TBC1D15: variants seen among roughly 807,000 people sequenced by gnomAD.
The protein encoded by TBC1D15 is TBC1 domain family member 15.
In TBC1D15, 39 loss-of-function variants were observed where a neutral mutation model predicts 95.4. The ratio of observed to expected loss-of-function variants is 0.41; its 90% confidence interval spans 0.32 to 0.53. The LOEUF is 0.53. Among genes scored for constraint, TBC1D15 ranks in the 20% least tolerant of loss-of-function variants. The pLI, the probability that TBC1D15 is intolerant of heterozygous loss-of-function variation, is 0.29. For synonymous variants in TBC1D15, 258 were observed against 261.3 expected, an observed-to-expected ratio of 0.99 and a Z score of 0.12; for missense variants, 733 against 794.3, an observed-to-expected ratio of 0.92 and a Z score of 0.93.
chr12:71,897,584 T>A (rs928507923), intron 9 of TBC1D15, among the ~76,000 whole-genome samples: 1 of 152,070 alleles, frequency 6.6e-6, no homozygotes, highest in African/African-American at 2.4e-5. Context: ...ATGAGATAAA[T>A]GTTTTTGTAA....
chr12:71,861,329 G>T, intron 1 of TBC1D15: 1 of 619,950 alleles, frequency 1.6e-6, no homozygotes, highest in Non-Finnish European at 2.5e-6. Context: ...TGAAGCCATT[G>T]GGTTTTGGGC....
intron 12 of TBC1D15, among the ~76,000 whole-genome samples, chr12:71,915,519 A>G (rs1903496342): frequency 6.6e-6 from 1 of 151,980 alleles, no homozygotes; most frequent in Non-Finnish European, 1.5e-5. Context: ...TTTTCAATAA[A>G]ACTAATCCAA....
intron 1 of TBC1D15, among the ~76,000 whole-genome samples, chr12:71,863,968 G>A (rs1890927493): frequency 1.3e-5 from 2 of 151,154 alleles, no homozygotes; most frequent in East Asian, 3.9e-4. Context: ...GTATTTCATT[G>A]TGTTTCCTCA....
At chr12:71,862,073 T>A (rs1890503330) in intron 1 of TBC1D15, among the ~76,000 whole-genome samples, 1 of 152,206 alleles carries the variant, frequency 6.6e-6, no homozygotes, top group Admixed American at 6.5e-5. Context: ...TAAACTTGTT[T>A]AGATTTGTTT....
intron 3 of TBC1D15, among the ~76,000 whole-genome samples, chr12:71,875,834 G>A (rs1893688250): frequency 6.6e-6 from 1 of 151,932 alleles, no homozygotes; most frequent in East Asian, 1.9e-4. Flanking sequence ...GTCTCACTCT[G>A]TCACCCAGGC....
chr12:71,861,436 A>C, intron 1 of TBC1D15: 2 of 1,501,222 alleles, frequency 1.3e-6, no homozygotes, highest in Non-Finnish European at 1.8e-6. Context: ...CAATCTTGAT[A>C]AGTAGTATGT....
In TBC1D15 at chr12:71,894,677, A is replaced by C. The variant is rs1315841236; in HGVS notation, c.658-9A>C. 6.2e-7 allele frequency: 1 copy of C among 1,605,056 alleles called. No homozygotes were observed. Among genetic ancestry groups the C allele is most frequent in the Admixed American group, 1.7e-5 (1 of 58,366 alleles). ...TAATAATGCTAATATTTTTCTTCCT[A>C]CTGCATAGAAAATTAAAAAGGACCC... On this transcript the variant is annotated splice_polypyrimidine_tract_variant and intron_variant, in intron 6 of 16. Transcript: ENST00000485960.
intron 10 of TBC1D15, among the ~76,000 whole-genome samples, chr12:71,903,174 A>G (rs1271085798): frequency 6.6e-6 from 1 of 152,158 alleles, no homozygotes; most frequent in Non-Finnish European, 1.5e-5. Flanking sequence ...TTGGCCTCCC[A>G]AAGTGCTGGC....
chr12:71,918,934 A>G (rs1868300239), intron 14 of TBC1D15, among the ~76,000 whole-genome samples: 1 of 150,522 alleles, frequency 6.6e-6, no homozygotes, highest in African/African-American at 2.4e-5. Context: ...GCAACTCTTT[A>G]TTTTTTCAAC....
At chr12:71,910,579 T>G (rs569523602) in intron 11 of TBC1D15, among the ~76,000 whole-genome samples, 6 of 151,930 alleles carry the variant, frequency 3.9e-5, no homozygotes, top group Admixed American at 2.0e-4. Context: ...GTCCTTCACA[T>G]CCCTTGTAAG....
intron 10 of TBC1D15, among the ~76,000 whole-genome samples, chr12:71,905,242 G>A (rs1900403352): frequency 6.6e-6 from 1 of 152,008 alleles, no homozygotes; most frequent in African/African-American, 2.4e-5. Flanking sequence ...TTCTGTATTG[G>A]CATTATGGTA....
rs148064494 is a variant in TBC1D15 at position 71,922,955 on chromosome 12, G to A, written c.1804-28G>A. The A allele has an allele frequency of 4.1e-4, 663 of 1,606,720 alleles. 3 individuals carry two copies. In the African/African-American group the frequency reaches 8.2e-3, roughly 20 times the overall value. On this transcript the variant is annotated intron_variant, in intron 16 of 16. Coordinates refer to ENST00000485960, the MANE Select transcript of TBC1D15 (RefSeq NM_001146213.3). The stretch of plus-strand genomic sequence containing the variant: ...TTATTTTTCCTCTGTAGTGAAATAT[G>A]GTTTTGAGTTTGATTTTTCATATCC...
intron 1 of TBC1D15, among the ~76,000 whole-genome samples, chr12:71,860,002 G>A (rs1302661621): frequency 2.6e-5 from 4 of 152,108 alleles, no homozygotes; most frequent in African/African-American, 7.2e-5. Flanking sequence ...TTTTCCCAGC[G>A]CCATTTGTAG....
At chr12:71,853,080 T>G (rs1888222871) in intron 1 of TBC1D15, among the ~76,000 whole-genome samples, 1 of 152,210 alleles carries the variant, frequency 6.6e-6, no homozygotes, top group Non-Finnish European at 1.5e-5. Flanking sequence ...TTTAATTGGC[T>G]CACAGTTCTT....
At chr12:71,877,262 T>C (rs1894080746) in intron 3 of TBC1D15, among the ~76,000 whole-genome samples, 1 of 151,620 alleles carries the variant, frequency 6.6e-6, no homozygotes. Context: ...GTCTTTTTGT[T>C]TCTAGTTTTA....
At chr12:71,905,470 C>T (rs1464024261) in intron 10 of TBC1D15, among the ~76,000 whole-genome samples, 1 of 152,152 alleles carries the variant, frequency 6.6e-6, no homozygotes, top group South Asian at 2.1e-4. Context: ...GTACCACAGG[C>T]AGGCGTCACC....
In TBC1D15 at chr12:71,863,749, G is replaced by A. The variant is rs1890880582; in HGVS notation, c.31-8321G>A. Among the ~76,000 whole-genome samples the A allele has an allele frequency of 2.0e-5, 3 of 152,076 alleles. No individual in the cohort carries two copies. In the South Asian group the frequency reaches 6.2e-4, roughly 32 times the overall value. ...TTTTTCCCCTCACTGAATAGGTAAT[G>A]TTAGACTACTTATTTTTAAATTCAG... On this transcript the variant is annotated intron_variant, in intron 1 of 16. Coordinates refer to ENST00000485960, the MANE Select transcript of TBC1D15 (RefSeq NM_001146213.3).
intron 10 of TBC1D15, among the ~76,000 whole-genome samples, chr12:71,906,276 A>C (rs1900694132): frequency 6.6e-6 from 1 of 152,244 alleles, no homozygotes; most frequent in Non-Finnish European, 1.5e-5. Flanking sequence ...CAGTAAATTA[A>C]TCAAGAGTTT....
chr12:71,914,727 A>G (rs2139028915), intron 12 of TBC1D15, among the ~76,000 whole-genome samples: 1 of 152,100 alleles, frequency 6.6e-6, no homozygotes, highest in South Asian at 2.1e-4. Context: ...GCTTGCTTGC[A>G]AGGGATAAAC....
Sources: gnomAD v4.1 joint callset for allele counts (sites outside exome capture counted in the v4.1 genomes callset) on GRCh38, gnomAD v4.1.1 for gene constraint, MANE v1.5 for transcripts, NCBI Gene and HGNC (gene_info 2026-07-23, HGNC 2026-07-21) for gene names.